The following ST7 variants were observed in gnomAD, a reference collection of about 807,000 sequenced individuals.
ST7 encodes the protein suppressor of tumorigenicity 7 protein.
Under a neutral mutation model 78.7 loss-of-function variants are expected in ST7, and 28 were observed. The observed-to-expected ratio is 0.36, with a 90% CI of 0.26 to 0.49. The LOEUF is 0.49. ST7 is among the 20% of genes least tolerant of loss of function. ST7 has a pLI of 0.99. For missense variants in ST7, 418 were observed against 696.0 expected, an observed-to-expected ratio of 0.60 and a Z score of 4.49; for synonymous variants, 247 against 249.6, an observed-to-expected ratio of 0.99 and a Z score of 0.10.
At chr7:117,155,261 G>A (rs73714387) in intron 9 of ST7, among the ~76,000 whole-genome samples, 74 of 152,282 alleles carry the variant, frequency 4.9e-4, no homozygotes, top group African/African-American at 1.5e-3. Context: ...AGAATGGAAA[G>A]GAGGCTAAGG....
At chr7:117,047,374 T>C (rs1318276601) in intron 1 of ST7, among the ~76,000 whole-genome samples, 5 of 152,228 alleles carry the variant, frequency 3.3e-5, no homozygotes, top group African/African-American at 1.2e-4. Context: ...GTGACAACTT[T>C]GTTGTTCATG....
chr7:117,152,299 A>G (rs1185275927), intron 9 of ST7, among the ~76,000 whole-genome samples: 1 of 146,816 alleles, frequency 6.8e-6, no homozygotes, highest in African/African-American at 2.5e-5. Context: ...TTTCCATTAA[A>G]CTTGGGGCAA....
chr7:117,223,105 C>T, intron 15 of ST7: 1 of 679,624 alleles, frequency 1.5e-6, no homozygotes, highest in Middle Eastern at 3.0e-4. Flanking sequence ...CTCTCTCACT[C>T]CCCACATCCC....
intron 1 of ST7, among the ~76,000 whole-genome samples, chr7:117,023,533 C>G (rs1796034089): frequency 6.6e-6 from 1 of 152,154 alleles, no homozygotes. Flanking sequence ...CTAATCATCA[C>G]AAAGCAGGAA....
chr7:117,105,440 C>T (rs1374832207), intron 2 of ST7, among the ~76,000 whole-genome samples: 1 of 152,172 alleles, frequency 6.6e-6, no homozygotes, highest in Admixed American at 6.5e-5. Context: ...GCCATCATGT[C>T]TGGCTAATTT....
At chr7:117,223,259 C>T (rs1793228374) in intron 15 of ST7, 3 of 431,806 alleles carry the variant, frequency 6.9e-6, no homozygotes, top group South Asian at 5.6e-5. Flanking sequence ...TGAACTCCTG[C>T]CATAGTCTTA....
chr7:116,972,986 C>T (rs1411465026), intron 1 of ST7: 5 of 773,538 alleles, frequency 6.5e-6, no homozygotes, highest in Non-Finnish European at 1.1e-5. Flanking sequence ...TCTCCCTCAC[C>T]CATTTGTTTA....
chr7:117,014,775 A>T, intron 1 of ST7: 1 of 355,876 alleles, frequency 2.8e-6, no homozygotes, highest in Non-Finnish European at 5.0e-6. Context: ...AGTAAATAAC[A>T]GTTATTTTCT....
intron 9 of ST7, among the ~76,000 whole-genome samples, chr7:117,145,057 A>G (rs113740122): frequency 0.05 from 7,571 of 152,104 alleles, 640 homozygotes; most frequent in African/African-American, 0.17. Flanking sequence ...TAAATTAGCC[A>G]GGTGTGGTAG....
intron 1 of ST7, among the ~76,000 whole-genome samples, chr7:117,045,004 C>A (rs1797422748): frequency 6.6e-6 from 1 of 152,160 alleles, no homozygotes; most frequent in African/African-American, 2.4e-5. Context: ...GTTATTGAGA[C>A]CAAATACTTT....
chr7:116,986,994 T>C (rs772365687), intron 1 of ST7, among the ~76,000 whole-genome samples: 2 of 152,310 alleles, frequency 1.3e-5, no homozygotes, highest in East Asian at 3.9e-4. Flanking sequence ...TCTGAGCCCT[T>C]TCACATAGTC....
chr7:117,152,197 A>ATTT (rs1444158950), intron 9 of ST7, among the ~76,000 whole-genome samples: 39 of 73,300 alleles, frequency 5.3e-4, no homozygotes, highest in Admixed American at 1.4e-4. Flanking sequence ...ATATATATAT[A>ATTT]TATATATATA....
chr7:117,229,534 G>A (rs1793658059), intron 15 of ST7, among the ~76,000 whole-genome samples: 1 of 152,186 alleles, frequency 6.6e-6, no homozygotes, highest in Admixed American at 6.5e-5. Context: ...GGGAGTGAGG[G>A]GGCTGTCAGC....
At chr7:117,088,158 A>G (rs376901469) in intron 1 of ST7, among the ~76,000 whole-genome samples, 2 of 152,112 alleles carry the variant, frequency 1.3e-5, no homozygotes, top group South Asian at 2.1e-4. Flanking sequence ...CTTCTTTCCA[A>G]GCCCAGAAGG....
intron 10 of ST7, among the ~76,000 whole-genome samples, chr7:117,181,707 G>T (rs917281373): frequency 7.2e-5 from 11 of 152,024 alleles, no homozygotes; most frequent in African/African-American, 2.4e-4. Context: ...TGTGGTTTTT[G>T]ACCACAGGAA....
At chr7:117,017,284 A>G (rs560091273) in intron 1 of ST7, among the ~76,000 whole-genome samples, 1 of 152,176 alleles carries the variant, frequency 6.6e-6, no homozygotes, top group Non-Finnish European at 1.5e-5. Flanking sequence ...CAAGCTTCAT[A>G]GGGGAGGGAC....
chr7:117,013,559 G>A (rs1438744179), intron 1 of ST7, among the ~76,000 whole-genome samples: 1 of 152,218 alleles, frequency 6.6e-6, no homozygotes, highest in African/African-American at 2.4e-5. Context: ...TGGGCGAGGT[G>A]GCTCACGCCT....
chr7:117,158,660 T>G (rs1314449286), intron 9 of ST7, among the ~76,000 whole-genome samples: 7 of 152,194 alleles, frequency 4.6e-5, no homozygotes, highest in Non-Finnish European at 1.0e-4. Context: ...TACTAGTGTA[T>G]GTTTAGGCCT....
At chr7:117,132,085 T>C (rs1804404428) in intron 6 of ST7, 125 bp downstream of exon 6, 1 of 998,842 alleles carries the variant, frequency 1.0e-6, no homozygotes, top group Non-Finnish European at 1.5e-6. Flanking sequence ...GGGGAGTTAT[T>C]ACTCTATTTA....
Sources: gnomAD v4.1 joint callset for allele counts (sites outside exome capture counted in the v4.1 genomes callset) on GRCh38, gnomAD v4.1.1 for gene constraint, MANE v1.5 for transcripts, NCBI Gene and HGNC (gene_info 2026-07-23, HGNC 2026-07-21) for gene names.